Variants in STK31 observed in about 807,000 individuals in gnomAD.
STK31 encodes the protein serine/threonine-protein kinase 31.
STK31 carries 89 observed loss-of-function variants against 129.7 expected under a neutral mutation model. The ratio of observed to expected loss-of-function variants is 0.69; its 90% CI spans 0.58 to 0.82. The LOEUF (loss-of-function observed/expected upper bound fraction) is 0.82, where lower values mean the gene tolerates loss of function less well. Ranked by LOEUF, STK31 falls within the 40% of genes least tolerant of loss-of-function variation. The pLI, the probability that STK31 is intolerant of heterozygous loss-of-function variation, is 0.00. For synonymous variants in STK31, 448 were observed against 395.3 expected, an observed-to-expected ratio of 1.13 and a Z score of -1.58; for missense variants, 1,187 against 1,176.4, an observed-to-expected ratio of 1.01 and a Z score of -0.13.
intron 8 of STK31, among the ~76,000 whole-genome samples, chr7:23,743,205 C>T (rs2390809): frequency 0.25 from 38,301 of 151,894 alleles, 5,157 homozygotes; most frequent in East Asian, 0.38. Context: ...CTGCCCACTT[C>T]GGCCTCCCAA....
At chr7:23,800,176 G>A (rs887607554) in intron 22 of STK31, among the ~76,000 whole-genome samples, 1 of 152,092 alleles carries the variant, frequency 6.6e-6, no homozygotes, top group South Asian at 2.1e-4. Flanking sequence ...ATAGTGTAGC[G>A]ATTCCTCAGG....
chr7:23,752,978 C>G, intron 9 of STK31, 146 bp downstream of exon 9: 1 of 610,146 alleles, frequency 1.6e-6, no homozygotes. Flanking sequence ...ATAGTTATTT[C>G]TGAGATGAAT....
rs1272515135 is a variant in STK31, at chr7:23,786,807, T to C, written c.2401-31T>C. The C allele has an allele frequency of 1.9e-5, 31 of 1,593,012 alleles. No homozygotes were observed. In the African/African-American group the frequency reaches 2.2e-4, roughly 11 times the overall value. ...AAAAATATGTTGAAGAAGTTTTTAC[T>C]TGGAGTCACATTCTCTGTTTTGCTT... On this transcript the variant is annotated intron_variant, in intron 19 of 23. Transcript: ENST00000355870.
At chr7:23,802,539 A>T (rs10277285) in intron 22 of STK31, among the ~76,000 whole-genome samples, 1 of 151,966 alleles carries the variant, frequency 6.6e-6, no homozygotes, top group Non-Finnish European at 1.5e-5. Flanking sequence ...TTTAAGACGC[A>T]GTCTCACTCT....
chr7:23,754,536 T>A (rs1171226765), intron 10 of STK31, 62 bp downstream of exon 10: 16 of 1,487,982 alleles, frequency 1.1e-5, no homozygotes, highest in Admixed American at 2.2e-5. Context: ...AGTGTTTTTT[T>A]AATTTCTTCT....
chr7:23,823,740 G>T (rs551848476), intron 23 of STK31, among the ~76,000 whole-genome samples: 2 of 151,814 alleles, frequency 1.3e-5, no homozygotes, highest in South Asian at 4.1e-4. Context: ...GGTCTAACAT[G>T]TAAGTCTTTA....
intron 3 of STK31, among the ~76,000 whole-genome samples, chr7:23,716,076 T>G (rs1786297499): frequency 1.3e-5 from 2 of 152,186 alleles, no homozygotes. Context: ...TAGCAGTTTT[T>G]TGTCTTTTTG....
At chr7:23,743,768 A>C (rs1788189938) in intron 8 of STK31, among the ~76,000 whole-genome samples, 1 of 152,036 alleles carries the variant, frequency 6.6e-6, no homozygotes, top group South Asian at 2.1e-4. Flanking sequence ...TGAAAATTCA[A>C]ATACTTGTTT....
At chr7:23,800,245 A>G (rs1341409012) in intron 22 of STK31, among the ~76,000 whole-genome samples, 1 of 152,208 alleles carries the variant, frequency 6.6e-6, no homozygotes, top group Admixed American at 6.5e-5. Flanking sequence ...ATATACCCAA[A>G]GGATTATAAA....
intron 22 of STK31, among the ~76,000 whole-genome samples, chr7:23,810,660 A>G (rs1439200373): frequency 6.6e-5 from 9 of 135,450 alleles, no homozygotes; most frequent in Admixed American, 1.6e-4. Flanking sequence ...ATATATATAA[A>G]AATATATAAT....
At chr7:23,736,045 T>A in intron 7 of STK31, 149 bp downstream of exon 7, 1 of 614,556 alleles carries the variant, frequency 1.6e-6, no homozygotes, top group Non-Finnish European at 2.6e-6. Flanking sequence ...TCAAATGTAT[T>A]CCTCTCTGCT....
At chr7:23,828,435 C>G (rs1435415332) in intron 23 of STK31, among the ~76,000 whole-genome samples, 3 of 152,242 alleles carry the variant, frequency 2.0e-5, no homozygotes, top group Non-Finnish European at 2.9e-5. Flanking sequence ...TTGTTAAGCC[C>G]ATTGGAAAAG....
At position 23,761,242 on chromosome 7, in the gene STK31, G is replaced by A. The variant is rs1025957755; in HGVS notation, c.1294-1559G>A. Among the ~76,000 whole-genome samples, 15 of 151,618 alleles carry A rather than the reference G, an allele frequency of 9.9e-5. 1 individual carries two copies. Among genetic ancestry groups the A allele is most frequent in the African/African-American group, 3.2e-4 (13 of 41,226 alleles). Reference sequence around the variant, plus strand: ...TTTTTCTACTACTGCTTGTGTTTCCGGACTTAAAGTTTACTTGATAGATGG... The same window carrying A: ...TTTTTCTACTACTGCTTGTGTTTCCAGACTTAAAGTTTACTTGATAGATGG... On this transcript the variant is annotated intron_variant, in intron 10 of 23. Coordinates refer to ENST00000355870, the MANE Select transcript of STK31 (RefSeq NM_031414.5).
chr7:23,712,892 A>G (rs1786063421), intron 3 of STK31, among the ~76,000 whole-genome samples: 1 of 152,210 alleles, frequency 6.6e-6, no homozygotes, highest in Non-Finnish European at 1.5e-5. Flanking sequence ...TGTAAACTAT[A>G]CATGATACGG....
At chr7:23,798,835 A>G (rs745730404) in intron 22 of STK31, among the ~76,000 whole-genome samples, 13 of 152,214 alleles carry the variant, frequency 8.5e-5, no homozygotes, top group Non-Finnish European at 1.0e-4. Flanking sequence ...ATGATTGTAT[A>G]TTTAGAAAAT....
chr7:23,789,054 C>T (rs1041740074), intron 21 of STK31, among the ~76,000 whole-genome samples: 1 of 152,118 alleles, frequency 6.6e-6, no homozygotes, highest in East Asian at 1.9e-4. Flanking sequence ...TGGAATGATA[C>T]AATATGTGGC....
intron 4 of STK31, among the ~76,000 whole-genome samples, chr7:23,718,030 G>A (rs935530646): frequency 1.6e-4 from 24 of 152,234 alleles, no homozygotes; most frequent in Admixed American, 2.6e-4. Context: ...GGCGAAGGTT[G>A]CAGAACAGTA....
intron 23 of STK31, among the ~76,000 whole-genome samples, chr7:23,828,145 G>A (rs1281368700): frequency 6.6e-6 from 1 of 152,194 alleles, no homozygotes; most frequent in Non-Finnish European, 1.5e-5. Context: ...ACTTAAGTCT[G>A]CAGAGGTTAT....
Position 23,710,259 on chromosome 7 carries a change from C to G in STK31, c.-27C>G. 2 of 1,602,798 alleles carry G rather than the reference C, an allele frequency of 1.2e-6. No homozygotes were observed. Among genetic ancestry groups the G allele is most frequent in the Non-Finnish European group, 1.7e-6 (2 of 1,176,100 alleles). On this transcript the variant is annotated 5_prime_UTR_variant, in exon 1 of 24. Transcript: ENST00000355870. The stretch of plus-strand genomic sequence containing the variant: ...GCGGTAAGCCGCTGCACGTGTGCTA[C>G]GGCGGGCGGAGGGCCGAAAGTCCAG...
Sources: allele counts gnomAD v4.1 joint callset (sites outside exome capture counted in the v4.1 genomes callset), GRCh38; gene constraint gnomAD v4.1.1; transcripts MANE v1.5; gene names NCBI Gene and HGNC (gene_info 2026-07-23, HGNC 2026-07-21).